The following CDH12 variants were observed in gnomAD, a reference collection of about 807,000 sequenced individuals.
CDH12 encodes the protein cadherin-12.
In CDH12, 41 loss-of-function variants were observed where a neutral mutation model predicts 74.1. The observed-to-expected ratio is 0.55, with a 90% CI of 0.43 to 0.72. CDH12 has a LOEUF of 0.72. Among genes scored for constraint, CDH12 ranks in the 30% least tolerant of loss-of-function variants. CDH12 has a pLI of 0.00. For missense variants in CDH12, 945 were observed against 977.2 expected (o/e 0.97, Z 0.44); for synonymous variants, 399 against 355.0 (o/e 1.12, Z -1.39).
chr5:22,236,651 G>A (rs770786089), intron 3 of CDH12, among the ~76,000 whole-genome samples: 2 of 152,138 alleles, frequency 1.3e-5, no homozygotes, highest in African/African-American at 2.4e-5. Context: ...GGAGGCTGAG[G>A]CAGGAGAATT....
chr5:22,166,386 T>TAGA (rs1258430528), intron 4 of CDH12, among the ~76,000 whole-genome samples: 1 of 152,222 alleles, frequency 6.6e-6, no homozygotes, highest in East Asian at 1.9e-4. Context: ...ATCCCTTGAA[T>TAGA]AGAAGTCAAT....
intron 1 of CDH12, among the ~76,000 whole-genome samples, chr5:22,675,491 G>C (rs1041238153): frequency 6.6e-6 from 1 of 152,176 alleles, no homozygotes; most frequent in Non-Finnish European, 1.5e-5. Context: ...GATTCTACAG[G>C]CTCATAGACA....
At chr5:22,350,318 C>A (rs1292199594) in intron 3 of CDH12, among the ~76,000 whole-genome samples, 1 of 152,074 alleles carries the variant, frequency 6.6e-6, no homozygotes, top group African/African-American at 2.4e-5. Flanking sequence ...AGGTTTTTTT[C>A]AGTTTAAACT....
At chr5:22,455,934 T>C (rs1484938666) in intron 2 of CDH12, among the ~76,000 whole-genome samples, 1 of 152,146 alleles carries the variant, frequency 6.6e-6, no homozygotes, top group Non-Finnish European at 1.5e-5. Flanking sequence ...GGTGGGTTGA[T>C]TGATGTTCAA....
At chr5:22,597,100 C>G (rs978715410) in intron 1 of CDH12, among the ~76,000 whole-genome samples, 2 of 152,106 alleles carry the variant, frequency 1.3e-5, no homozygotes, top group African/African-American at 4.8e-5. Context: ...ACCTCTCTCT[C>G]CACCCAATTA....
intron 1 of CDH12, among the ~76,000 whole-genome samples, chr5:22,798,579 C>T (rs1748349419): frequency 1.3e-5 from 2 of 151,904 alleles, no homozygotes; most frequent in Admixed American, 6.6e-5. Flanking sequence ...GTTTCCAAAT[C>T]ATAATCGTGA....
At chr5:21,773,412 G>A (rs191451212) in intron 11 of CDH12, among the ~76,000 whole-genome samples, 87 of 152,230 alleles carry the variant, frequency 5.7e-4, no homozygotes, top group Non-Finnish European at 7.5e-4. Context: ...AGAAGAACGC[G>A]GAAGGACTGG....
At chr5:22,768,512 A>G (rs1310350243) in intron 1 of CDH12, among the ~76,000 whole-genome samples, 1 of 152,084 alleles carries the variant, frequency 6.6e-6, no homozygotes, top group Non-Finnish European at 1.5e-5. Context: ...AGTGATTTTT[A>G]TTAGCACAGT....
At chr5:22,799,557 T>C (rs1279882405) in intron 1 of CDH12, among the ~76,000 whole-genome samples, 1 of 152,176 alleles carries the variant, frequency 6.6e-6, no homozygotes, top group Non-Finnish European at 1.5e-5. Flanking sequence ...CAGCCAGTGA[T>C]GATATTTCAG....
intron 5 of CDH12, among the ~76,000 whole-genome samples, chr5:22,018,730 A>T (rs1737769769): frequency 6.6e-6 from 1 of 152,176 alleles, no homozygotes; most frequent in African/African-American, 2.4e-5. Context: ...ATTTACCAAA[A>T]TGTGATGTAC....
intron 4 of CDH12, among the ~76,000 whole-genome samples, chr5:22,198,832 C>T (rs887950712): frequency 1.3e-5 from 2 of 152,014 alleles, no homozygotes; most frequent in African/African-American, 4.8e-5. Context: ...ACCCTCTTTA[C>T]CAATCCTCAA....
chr5:22,277,901 G>C (rs189926882), intron 3 of CDH12: 42 of 153,732 alleles, frequency 2.7e-4, no homozygotes, highest in African/African-American at 1.0e-3. Flanking sequence ...AATGTGGGAA[G>C]CCCTCTCTTA....
In CDH12 at chr5:22,649,292, C is replaced by A. The variant is rs1384484134; in HGVS notation, c.-522-143928G>T. On this transcript the variant is annotated intron_variant, in intron 1 of 14. Transcript: ENST00000382254. ...GCTTTGTTATTTACCCTTACTTTTC[C>A]TTTTGTGAACTGTGTGAGCTAATGA... 4.6e-5 allele frequency among the ~76,000 whole-genome samples: 7 copies of A among 152,048 alleles called. No individual in the cohort carries two copies. In the East Asian group the frequency reaches 1.4e-3, roughly 29 times the overall value.
intron 8 of CDH12, among the ~76,000 whole-genome samples, chr5:21,838,759 C>T (rs567627519): frequency 8.9e-4 from 135 of 152,194 alleles, no homozygotes; most frequent in African/African-American, 2.9e-3. Context: ...GAGTAAAGCA[C>T]GCCATCTTGG....
chr5:22,309,687 T>A (rs925834078), intron 3 of CDH12, among the ~76,000 whole-genome samples: 4 of 151,988 alleles, frequency 2.6e-5, no homozygotes, highest in African/African-American at 9.7e-5. Flanking sequence ...GTACATTAGG[T>A]ATCTATATGT....
chr5:22,408,227 G>C (rs1743020393), intron 2 of CDH12, among the ~76,000 whole-genome samples: 1 of 141,428 alleles, frequency 7.1e-6, no homozygotes, highest in East Asian at 2.1e-4. Context: ...AAACAAGATA[G>C]ATTCTTAAAG....
intron 4 of CDH12, among the ~76,000 whole-genome samples, chr5:22,194,308 C>CTTTTTTTTTTTTTT (rs59899245): frequency 9.3e-5 from 13 of 139,862 alleles, no homozygotes; most frequent in South Asian, 2.3e-4. Context: ...CTTTTTCTTT[C>CTTTTTTTTTTTTTT]TTTTTTTTTT....
chr5:21,839,598 GA>G (rs1287816466), intron 8 of CDH12, among the ~76,000 whole-genome samples: 4 of 150,752 alleles, frequency 2.7e-5, no homozygotes, highest in Non-Finnish European at 4.4e-5. Flanking sequence ...ATGATTTTAA[GA>G]AAAAAAATGA....
intron 9 of CDH12, among the ~76,000 whole-genome samples, chr5:21,808,164 C>G (rs1478391140): frequency 6.6e-6 from 1 of 151,886 alleles, no homozygotes; most frequent in African/African-American, 2.4e-5. Context: ...AACAAACAGC[C>G]ACGAGGAACT....
Sources: gnomAD v4.1 joint callset for allele counts (sites outside exome capture counted in the v4.1 genomes callset) on GRCh38, gnomAD v4.1.1 for gene constraint, MANE v1.5 for transcripts, NCBI Gene and HGNC (gene_info 2026-07-23, HGNC 2026-07-21) for gene names.